Variants in MACROD2 observed in about 807,000 individuals in gnomAD.
The protein encoded by MACROD2 is ADP-ribose glycohydrolase MACROD2.
In MACROD2, 36 loss-of-function variants were observed where a neutral mutation model predicts 70.4. The observed-to-expected ratio is 0.51, with a 90% CI of 0.39 to 0.68. MACROD2 has a LOEUF of 0.68. Ranked by LOEUF, MACROD2 falls within the 30% of genes least tolerant of loss-of-function variation. MACROD2 has a pLI of 0.00. For synonymous variants in MACROD2, 172 were observed against 178.8 expected, an observed-to-expected ratio of 0.96 and a Z score of 0.30; for missense variants, 496 against 538.4, an observed-to-expected ratio of 0.92 and a Z score of 0.78.
In MACROD2 at chr20:14,463,936, C is replaced by G. The variant is rs141361246; in HGVS notation, c.272-29543C>G. Reference sequence around the variant, plus strand: ...TGATGTGTCACTGGGTTTGGTTTGCCAGTATTTTATTGAGGATTTTTGCAT... The same window carrying G: ...TGATGTGTCACTGGGTTTGGTTTGCGAGTATTTTATTGAGGATTTTTGCAT... On this transcript the variant is annotated intron_variant, in intron 3 of 17. Coordinates refer to ENST00000684519, the MANE Select transcript of MACROD2 (RefSeq NM_001351661.2). Among the ~76,000 whole-genome samples, 581 of 151,520 alleles carry G rather than the reference C, an allele frequency of 3.8e-3. 13 individuals carry two copies. Among genetic ancestry groups the G allele is most frequent in the East Asian group, 0.027 (138 of 5,170 alleles).
intron 5 of MACROD2, among the ~76,000 whole-genome samples, chr20:15,153,973 C>T (rs762921910): frequency 3.9e-5 from 6 of 152,162 alleles, no homozygotes; most frequent in Non-Finnish European, 7.3e-5. Flanking sequence ...GTTATAATGA[C>T]ACCCTTGCTG....
intron 5 of MACROD2, among the ~76,000 whole-genome samples, chr20:14,785,575 C>T (rs538990648): frequency 4.6e-5 from 7 of 152,178 alleles, no homozygotes; most frequent in African/African-American, 9.6e-5. Context: ...TACATACCCC[C>T]GCTCCTCTGA....
intron 8 of MACROD2, among the ~76,000 whole-genome samples, chr20:15,682,751 T>C (rs1037097381): frequency 6.6e-6 from 1 of 152,352 alleles, no homozygotes; most frequent in Non-Finnish European, 1.5e-5. Context: ...GCATCTGCGG[T>C]TAATGGCTTT....
intron 5 of MACROD2, among the ~76,000 whole-genome samples, chr20:14,736,824 C>T (rs968776893): frequency 1.2e-4 from 19 of 152,132 alleles, no homozygotes; most frequent in Non-Finnish European, 7.4e-5. Context: ...AGCCAAAGCT[C>T]TTACCCAGTA....
intron 12 of MACROD2, among the ~76,000 whole-genome samples, chr20:15,940,753 A>T (rs1387099600): frequency 6.6e-6 from 1 of 152,246 alleles, no homozygotes. Context: ...CTGATGTCAA[A>T]TACCCACATA....
chr20:15,860,712 A>G lies in MACROD2; in HGVS notation c.646-2033A>G, dbSNP rs145669194. ...AAATCCCCTTTCTTTCTAAAGGAAT[A>G]AAGTATTAGGTCTTCAGTCAATTCC... On this transcript the variant is annotated intron_variant, in intron 8 of 17. Coordinates refer to ENST00000684519, the MANE Select transcript of MACROD2 (RefSeq NM_001351661.2). Among the ~76,000 whole-genome samples, 354 of 152,276 alleles carry G rather than the reference A, an allele frequency of 2.3e-3. 2 individuals are homozygous for G. Among genetic ancestry groups the G allele is most frequent in the African/African-American group, 7.9e-3 (329 of 41,562 alleles).
intron 3 of MACROD2, among the ~76,000 whole-genome samples, chr20:14,446,287 C>CA (rs1257489417): frequency 6.6e-6 from 1 of 151,978 alleles, no homozygotes; most frequent in East Asian, 1.9e-4. Context: ...ATTTAATTAT[C>CA]AAAAACTGTG....
At chr20:15,579,914 G>T (rs144296815) in intron 8 of MACROD2, among the ~76,000 whole-genome samples, 60 of 152,274 alleles carry the variant, frequency 3.9e-4, no homozygotes, top group Middle Eastern at 3.4e-3. Context: ...GGAAAACACA[G>T]AATTATTTTT....
chr20:15,187,461 G>A (rs191894676), intron 5 of MACROD2, among the ~76,000 whole-genome samples: 76 of 152,264 alleles, frequency 5.0e-4, no homozygotes, highest in African/African-American at 1.8e-3. Flanking sequence ...AAGGAACCTT[G>A]TATGCACACC....
intron 5 of MACROD2, among the ~76,000 whole-genome samples, chr20:14,817,923 C>T (rs536976044): frequency 1.1e-4 from 17 of 151,992 alleles, no homozygotes; most frequent in Non-Finnish European, 2.1e-4. Context: ...CAATGAGAGG[C>T]GATGACCTGT....
intron 8 of MACROD2, among the ~76,000 whole-genome samples, chr20:15,540,043 A>C (rs1334281995): frequency 5.9e-5 from 9 of 152,232 alleles, no homozygotes; most frequent in Non-Finnish European, 2.9e-5. Flanking sequence ...GTAGAGCGAT[A>C]AAGTGATGAC....
chr20:15,958,217 A>G (rs1476858374), intron 12 of MACROD2, among the ~76,000 whole-genome samples: 8 of 152,180 alleles, frequency 5.3e-5, no homozygotes, highest in Admixed American at 4.6e-4. Context: ...AGCATTTTTA[A>G]AATACTGAAA....
intron 6 of MACROD2, among the ~76,000 whole-genome samples, chr20:15,238,457 A>G (rs893111874): frequency 7.2e-5 from 11 of 152,028 alleles, no homozygotes; most frequent in African/African-American, 1.2e-4. Context: ...GGTTGAATGC[A>G]TGTAAAGTTG....
intron 5 of MACROD2, among the ~76,000 whole-genome samples, chr20:14,972,284 C>A (rs538043297): frequency 1.6e-4 from 24 of 152,122 alleles, no homozygotes; most frequent in Admixed American, 1.2e-3. Flanking sequence ...GTGGGAGGGG[C>A]AAGGTCACAT....
chr20:15,697,424 C>A (rs139777083), intron 8 of MACROD2, among the ~76,000 whole-genome samples: 3 of 152,180 alleles, frequency 2.0e-5, no homozygotes, highest in African/African-American at 7.2e-5. Flanking sequence ...AGAGTGCTTG[C>A]TATAATTTCA....
At chr20:15,090,962 AC>A (rs1408716854) in intron 5 of MACROD2, among the ~76,000 whole-genome samples, 1 of 151,998 alleles carries the variant, frequency 6.6e-6, no homozygotes, top group Non-Finnish European at 1.5e-5. Context: ...AATGGAGTCC[AC>A]CTAGACCTAG....
chr20:15,708,917 T>TGTGATCC (rs1369843738), intron 8 of MACROD2, among the ~76,000 whole-genome samples: 5 of 152,072 alleles, frequency 3.3e-5, no homozygotes, highest in Non-Finnish European at 7.4e-5. Flanking sequence ...TCTAAGCAAC[T>TGTGATCC]CAGGAGGCTA....
intron 5 of MACROD2, among the ~76,000 whole-genome samples, chr20:14,784,109 A>T (rs1381802847): frequency 6.6e-6 from 1 of 152,118 alleles, no homozygotes; most frequent in African/African-American, 2.4e-5. Flanking sequence ...TTAAGAGAAA[A>T]CACAGGATTG....
At chr20:15,568,981 G>C (rs1179942898) in intron 8 of MACROD2, among the ~76,000 whole-genome samples, 1 of 152,172 alleles carries the variant, frequency 6.6e-6, no homozygotes, top group Non-Finnish European at 1.5e-5. Context: ...GCCATGTCAT[G>C]ATCACAGCCT....
Sources: allele counts gnomAD v4.1 joint callset (sites outside exome capture counted in the v4.1 genomes callset), GRCh38; gene constraint gnomAD v4.1.1; transcripts MANE v1.5; gene names NCBI Gene and HGNC (gene_info 2026-07-23, HGNC 2026-07-21).